CD55: variants seen among roughly 807,000 people sequenced by gnomAD.
The protein encoded by CD55 is complement decay-accelerating factor.
In CD55, 41 loss-of-function variants were observed where a neutral mutation model predicts 45.8. That is an observed-to-expected ratio of 0.90 (90% CI 0.70 to 1.16). CD55 has a LOEUF of 1.16. Among genes scored for constraint, CD55 ranks in the 50% most tolerant of loss-of-function variants. The pLI, the probability that CD55 is intolerant of heterozygous loss-of-function variation, is 0.00. For missense variants in CD55, 416 were observed against 469.8 expected, an observed-to-expected ratio of 0.89 and a Z score of 1.06; for synonymous variants, 181 against 181.1, an observed-to-expected ratio of 1.00 and a Z score of 0.01.
intron 6 of CD55, among the ~76,000 whole-genome samples, chr1:207,334,200 AAAT>A (rs1655071131): frequency 6.6e-6 from 1 of 152,174 alleles, no homozygotes; most frequent in Non-Finnish European, 1.5e-5. Flanking sequence ...GCTCAGCAAA[AAAT>A]GATGCAAACC....
intron 1 of CD55, 125 bp from the exon 2 acceptor site, chr1:207,322,257 C>T (rs530351061): frequency 2.4e-6 from 2 of 832,870 alleles, no homozygotes; most frequent in East Asian, 2.5e-5. Context: ...GTGGAGCACA[C>T]GATGCTGCAA....
rs386369456 is a variant in CD55, at chr1:207,353,040, G to GTTTTTTT, written c.1082-6487_1082-6481dup. ...CGATGACTAGTTTCTCTATTACCAG[G>GTTTTTTT]TTTTTTTTTTTTTTTTTTTTTTTTT... On this transcript the variant is annotated intron_variant, in intron 9 of 9. Coordinates refer to ENST00000367064, the MANE Select transcript of CD55 (RefSeq NM_000574.5). 1.5e-3 allele frequency among the ~76,000 whole-genome samples: 70 copies of GTTTTTTT among 47,384 alleles called. 2 individuals are homozygous for GTTTTTTT. The highest frequency in any genetic ancestry group is 3.2e-3 in the South Asian group (3 of 948). 31.1% of individuals were successfully genotyped at this position (47,384 alleles called of 152,430 possible). A position where few individuals can be genotyped will look rare whatever the true frequency, so the allele number is the denominator to read the frequency against.
chr1:207,350,240 T>C (rs894778968), intron 9 of CD55: 2 of 365,080 alleles, frequency 5.5e-6, no homozygotes, highest in Admixed American at 6.6e-5. Context: ...AGGTATTTGA[T>C]GTGCTGCTGG....
At chr1:207,331,048 A>G in intron 5 of CD55, 60 bp from the exon 6 acceptor site, 1 of 1,191,062 alleles carries the variant, frequency 8.4e-7, no homozygotes, top group South Asian at 1.4e-5. Flanking sequence ...TTTTGATCTT[A>G]TTTGTAAAAA....
chr1:207,352,273 T>C (rs1454182195), intron 9 of CD55, among the ~76,000 whole-genome samples: 1 of 151,986 alleles, frequency 6.6e-6, no homozygotes, highest in Admixed American at 6.6e-5. Context: ...CGTTAATTCT[T>C]GCTCTCTTCT....
At chr1:207,327,855 ATAC>A (rs1324781032) in intron 5 of CD55, among the ~76,000 whole-genome samples, 1 of 152,196 alleles carries the variant, frequency 6.6e-6, no homozygotes, top group Non-Finnish European at 1.5e-5. Flanking sequence ...TTGAGATGTC[ATAC>A]TACTACCTTT....
chr1:207,343,736 AGATGAGCTAATG>A (rs1655522519), intron 9 of CD55, among the ~76,000 whole-genome samples: 1 of 152,166 alleles, frequency 6.6e-6, no homozygotes, highest in Non-Finnish European at 1.5e-5. Flanking sequence ...TTTTTTGTCC[AGATGAGCTAATG>A]CTGACAGTGG....
chr1:207,340,536 T>G, intron 9 of CD55: 1 of 698,604 alleles, frequency 1.4e-6, no homozygotes, highest in Non-Finnish European at 2.6e-6. Context: ...CGGCTAAGTT[T>G]TTGAAATTTA....
At chr1:207,346,882 C>T (rs932975209) in intron 9 of CD55, among the ~76,000 whole-genome samples, 3 of 152,114 alleles carry the variant, frequency 2.0e-5, no homozygotes, top group East Asian at 1.9e-4. Flanking sequence ...CTAGAGCCTA[C>T]GAGAATCAAG....
At chr1:207,337,670 A>AG (rs1019952566) in intron 8 of CD55, 3 of 342,466 alleles carry the variant, frequency 8.8e-6, no homozygotes, top group African/African-American at 6.4e-5. Flanking sequence ...AAAAAAAAAA[A>AG]AATTCTGTTT....
chr1:207,339,467 A>T, intron 9 of CD55, 50 bp downstream of exon 9: 1 of 1,330,950 alleles, frequency 7.5e-7, no homozygotes, highest in Non-Finnish European at 1.1e-6. Flanking sequence ...ACTGTGGGAT[A>T]TACAATCCAT....
rs781591357 is a variant in CD55, at chr1:207,325,613, C to G, written c.479-9C>G. On this transcript the variant is annotated splice_polypyrimidine_tract_variant and intron_variant, in intron 3 of 9. Coordinates refer to ENST00000367064, the MANE Select transcript of CD55 (RefSeq NM_000574.5). ...TAATTTTAAAAAATCAATTTGTATT[C>G]TATTCTAGAGAAATCATGCCCTAAT... 8 of 1,551,220 alleles carry G rather than the reference C, an allele frequency of 5.2e-6. No individual in the cohort carries two copies. The highest frequency in any genetic ancestry group is 6.2e-6 in the Non-Finnish European group (7 of 1,125,904).
chr1:207,359,455 T>C, intron 9 of CD55, 91 bp from the exon 10 acceptor site: 1 of 1,279,614 alleles, frequency 7.8e-7, no homozygotes, highest in Non-Finnish European at 1.0e-6. Context: ...TTTGGTGATT[T>C]ATCACATAGT....
intron 9 of CD55, chr1:207,350,099 A>G (rs572085366): frequency 2.6e-5 from 12 of 454,508 alleles, no homozygotes; most frequent in South Asian, 1.1e-4. Context: ...AGCCTTTTCT[A>G]CAACAATTGA....
chr1:207,359,567 C>T lies in CD55; in HGVS notation c.1103C>T (p.Thr368Ile). 2.0e-6 allele frequency: 3 copies of T among 1,519,032 alleles called. No individual in the cohort carries two copies. Among genetic ancestry groups the T allele is most frequent in the Non-Finnish European group, 2.7e-6 (3 of 1,125,848 alleles). The allele number at this position is 1,519,032 out of a possible 1,614,324, so 94.1% of individuals were successfully genotyped here. A position where few individuals can be genotyped will look rare whatever the true frequency, so the allele number is the denominator to read the frequency against. The change falls in exon 10 of 10, where the codon ACA becomes ATA. Residue 368 changes from threonine to isoleucine, a missense_variant. Physicochemically the swap from Thr to Ile is moderately conservative, Grantham distance 89. Transcript: ENST00000367064. ...TCAGGGCACACGTGTTTCACGTTGA[C>T]AGGTTTGCTTGGGACGCTAGTAACC... ...LLSGHTCFTL[T>I]GLLGTLVTMG...
At chr1:207,357,115 A>G (rs1298626555) in intron 9 of CD55, among the ~76,000 whole-genome samples, 1 of 152,236 alleles carries the variant, frequency 6.6e-6, no homozygotes, top group African/African-American at 2.4e-5. Context: ...ATTATAAGTT[A>G]AAGCATGTAA....
intron 5 of CD55, among the ~76,000 whole-genome samples, chr1:207,330,651 T>G (rs996060137): frequency 6.6e-6 from 1 of 152,178 alleles, no homozygotes; most frequent in African/African-American, 2.4e-5. Context: ...TGCTAGCGTT[T>G]CCCTCTTAGA....
chr1:207,354,067 T>C, intron 9 of CD55: 5 of 1,535,522 alleles, frequency 3.3e-6, no homozygotes, highest in Non-Finnish European at 4.4e-6. Flanking sequence ...AAAAAGATGA[T>C]GTGCATCCTC....
intron 5 of CD55, among the ~76,000 whole-genome samples, chr1:207,330,272 T>A (rs139196509): frequency 4.9e-4 from 74 of 151,870 alleles, no homozygotes; most frequent in African/African-American, 1.7e-3. Context: ...TCTGTGTTCT[T>A]AAGTATGTTT....
Sources: allele counts gnomAD v4.1 joint callset (sites outside exome capture counted in the v4.1 genomes callset), GRCh38; gene constraint gnomAD v4.1.1; transcripts MANE v1.5; gene names NCBI Gene and HGNC (gene_info 2026-07-23, HGNC 2026-07-21).